MTX2: variants seen among roughly 807,000 people sequenced by gnomAD.
MTX2 encodes the protein metaxin 2, also known as metaxin-2.
A neutral mutation model predicts 42.3 loss-of-function variants in MTX2; 35 were observed. The ratio of observed to expected loss-of-function variants is 0.83; its 90% CI spans 0.63 to 1.10. The LOEUF (loss-of-function observed/expected upper bound fraction) is 1.10, where lower values mean the gene tolerates loss of function less well. MTX2 is among the 50% of genes least tolerant of loss of function. The pLI, the probability that MTX2 is intolerant of heterozygous loss-of-function variation, is 0.00. For missense variants in MTX2, 307 were observed against 304.1 expected (o/e 1.01, Z -0.07); for synonymous variants, 119 against 100.9 (o/e 1.18, Z -1.08).
chr2:176,330,389 A>G (rs1279938309), intron 8 of MTX2, among the ~76,000 whole-genome samples, 195 bp from the exon 9 acceptor site: 1 of 149,590 alleles, frequency 6.7e-6, no homozygotes, highest in Non-Finnish European at 1.5e-5. Context: ...TTATATAGAA[A>G]GTATTTCTTA....
At chr2:176,337,242 A>C (rs1029525397) in intron 9 of MTX2, among the ~76,000 whole-genome samples, 3 of 152,130 alleles carry the variant, frequency 2.0e-5, no homozygotes, top group Non-Finnish European at 4.4e-5. Context: ...AGGTTTTGCC[A>C]CATTGTTCAG....
chr2:176,297,862 ACTTT>A lies in MTX2; in HGVS notation c.105_108del (p.Ser36ThrfsTer21). The stretch of plus-strand genomic sequence containing the variant: ...GTATTTCCACAGGGGAGCAAATTTT[ACTTT>A]CTGACAATGCAGCTTCTCTTGCAGT... On this transcript the variant is annotated frameshift_variant, in exon 3 of 10. Transcript: ENST00000249442. LOFTEE classifies it high-confidence loss of function. 1 of 1,562,802 alleles carries A rather than the reference ACTTT, an allele frequency of 6.4e-7. No homozygotes were observed. Among genetic ancestry groups the A allele is most frequent in the Non-Finnish European group, 8.7e-7 (1 of 1,151,304 alleles).
At chr2:176,270,357 A>G (rs1692778957) in intron 1 of MTX2, 1 of 1,360,410 alleles carries the variant, frequency 7.4e-7, no homozygotes, top group Non-Finnish European at 9.8e-7. Context: ...AAATTTTTAA[A>G]TCTGCATGTA....
intron 3 of MTX2, among the ~76,000 whole-genome samples, chr2:176,320,328 A>G (rs1280817444): frequency 6.6e-6 from 1 of 152,118 alleles, no homozygotes; most frequent in Admixed American, 6.5e-5. Flanking sequence ...ATTTTGGAAT[A>G]TTAATTAGCA....
At chr2:176,301,508 G>A (rs1684022562) in intron 3 of MTX2, among the ~76,000 whole-genome samples, 1 of 152,110 alleles carries the variant, frequency 6.6e-6, no homozygotes, top group South Asian at 2.1e-4. Context: ...ACCCTATGAG[G>A]TAGGTACTAT....
In MTX2 at chr2:176,309,720, C is replaced by CTT. The variant is rs745705028; in HGVS notation, c.135+11844_135+11845dup. Among the ~76,000 whole-genome samples, 377 of 98,526 alleles carry CTT rather than the reference C, an allele frequency of 3.8e-3. 18 individuals carry two copies. Among genetic ancestry groups the CTT allele is most frequent in the African/African-American group, 0.014 (299 of 22,056 alleles). The allele number at this position is 98,526 out of a possible 152,430, so 64.6% of individuals were successfully genotyped here. The stretch of plus-strand genomic sequence containing the variant: ...TCAGAGACCAGGATTGCAACCTCTG[C>CTT]TTTTTTTTTTTTTTTTTTTTGCCTT... On this transcript the variant is annotated intron_variant, in intron 3 of 9. Transcript: ENST00000249442.
intron 1 of MTX2, 55 bp downstream of exon 1, chr2:176,269,724 G>C: frequency 6.5e-7 from 1 of 1,550,254 alleles, no homozygotes; most frequent in Non-Finnish European, 8.7e-7. Flanking sequence ...GGGGAGCCGC[G>C]TGGGGTACAG....
intron 1 of MTX2, among the ~76,000 whole-genome samples, chr2:176,288,591 A>G (rs905804591): frequency 2.6e-5 from 4 of 151,154 alleles, no homozygotes; most frequent in African/African-American, 7.3e-5. Flanking sequence ...GATGACATCT[A>G]TGAGCTTTTG....
At chr2:176,318,012 G>GGTTT (rs1038478266) in intron 3 of MTX2, among the ~76,000 whole-genome samples, 16 of 152,118 alleles carry the variant, frequency 1.1e-4, no homozygotes, top group African/African-American at 3.6e-4. Context: ...CAAACTCTTA[G>GGTTT]GTTTCAGCTT....
In MTX2 at chr2:176,296,847, C is replaced by T; in HGVS notation, c.41-13C>T. 1 of 1,613,098 alleles carries T rather than the reference C, an allele frequency of 6.2e-7. No individual in the cohort carries two copies. The highest frequency in any genetic ancestry group is 1.1e-5 in the South Asian group (1 of 91,016). On this transcript the variant is annotated splice_polypyrimidine_tract_variant and intron_variant, in intron 1 of 9. Coordinates refer to ENST00000249442, the MANE Select transcript of MTX2 (RefSeq NM_006554.5). ...GCTTTATGTGCCTAATTATCACTGC[C>T]TTGTTTCCATAGCTGCAGAACCTTG...
At chr2:176,330,896 A>G (rs534313870) in intron 9 of MTX2, among the ~76,000 whole-genome samples, 13 of 151,214 alleles carry the variant, frequency 8.6e-5, no homozygotes, top group South Asian at 4.1e-4. Flanking sequence ...ATGTAAATCA[A>G]TCATTGTATG....
At chr2:176,324,156 T>C (rs1684649471) in intron 4 of MTX2, among the ~76,000 whole-genome samples, 1 of 151,594 alleles carries the variant, frequency 6.6e-6, no homozygotes, top group Non-Finnish European at 1.5e-5. Context: ...GGAGCAATAA[T>C]ACGTAGAATT....
intron 9 of MTX2, among the ~76,000 whole-genome samples, chr2:176,332,427 G>T (rs908014748): frequency 6.6e-6 from 1 of 151,120 alleles, no homozygotes; most frequent in South Asian, 2.1e-4. Context: ...TCTATTCTTG[G>T]CTCTGACATA....
chr2:176,322,054 T>G (rs761297054), intron 3 of MTX2, among the ~76,000 whole-genome samples: 1 of 152,076 alleles, frequency 6.6e-6, no homozygotes, highest in Non-Finnish European at 1.5e-5. Flanking sequence ...AGATCAGACA[T>G]GCATACATAA....
intron 4 of MTX2, among the ~76,000 whole-genome samples, chr2:176,323,744 T>G (rs1249260375): frequency 6.6e-6 from 1 of 151,718 alleles, no homozygotes; most frequent in African/African-American, 2.4e-5. Flanking sequence ...ATACATGATC[T>G]CAGATTTCCC....
chr2:176,312,003 G>C (rs995734289), intron 3 of MTX2, among the ~76,000 whole-genome samples: 2 of 152,332 alleles, frequency 1.3e-5, no homozygotes, highest in East Asian at 1.9e-4. Context: ...GGGAGCTGCA[G>C]ACTGGAGCCA....
chr2:176,328,895 G>A lies in MTX2; in HGVS notation c.400G>A (p.Glu134Lys). Residue 134 changes from glutamate (E) to lysine (K), a missense_variant, in exon 7 of 10, where the codon GAA becomes AAA. Transcript: ENST00000249442. ...CTAGCTGTATCTTCAGTGGTGTGAT[G>A]AAGCTACAGTAGGGGAGGTGAGTGG... ...TAELYLQWCD[E>K]ATVGEITHAR... 1 of 1,607,404 alleles carries A rather than the reference G, an allele frequency of 6.2e-7. No homozygotes were observed. Among genetic ancestry groups the A allele is most frequent in the South Asian group, 1.1e-5 (1 of 90,562 alleles).
At chr2:176,333,716 A>AT (rs930666657) in intron 9 of MTX2, among the ~76,000 whole-genome samples, 3 of 151,588 alleles carry the variant, frequency 2.0e-5, no homozygotes, top group African/African-American at 2.4e-5. Flanking sequence ...ATTGTAATAT[A>AT]TTTTTACTTA....
At chr2:176,280,622 A>G (rs961849170) in intron 1 of MTX2, among the ~76,000 whole-genome samples, 1 of 152,190 alleles carries the variant, frequency 6.6e-6, no homozygotes, top group Non-Finnish European at 1.5e-5. Flanking sequence ...ATTCAGTCAT[A>G]AAAGCAATAA....
Sources: allele counts gnomAD v4.1 joint callset (sites outside exome capture counted in the v4.1 genomes callset), GRCh38; gene constraint gnomAD v4.1.1; transcripts MANE v1.5; gene names NCBI Gene and HGNC (gene_info 2026-07-23, HGNC 2026-07-21).